DOK5: variants seen among roughly 807,000 people sequenced by gnomAD.
DOK5 encodes the protein downstream of tyrosine kinase 5.
DOK5 carries 27 observed loss-of-function variants against 43.3 expected under a neutral mutation model. The observed-to-expected ratio is 0.62, with a 90% confidence interval of 0.46 to 0.86. The LOEUF (loss-of-function observed/expected upper bound fraction) is 0.86. Among genes scored for constraint, DOK5 ranks in the 40% least tolerant of loss-of-function variants. The pLI is 0.00. For synonymous variants in DOK5, 146 were observed against 140.1 expected (o/e 1.04, Z -0.30); for missense variants, 373 against 392.9 (o/e 0.95, Z 0.43).
intron 6 of DOK5, among the ~76,000 whole-genome samples, chr20:54,612,405 A>G (rs537366712): frequency 1.3e-5 from 2 of 152,188 alleles, no homozygotes; most frequent in Admixed American, 1.3e-4. Flanking sequence ...TTATATGTCA[A>G]CCTGACTGGG....
chr20:54,602,740 T>C (rs765861999), intron 5 of DOK5, among the ~76,000 whole-genome samples: 1 of 152,150 alleles, frequency 6.6e-6, no homozygotes. Flanking sequence ...AGTGGCGTGA[T>C]CTCGGCTCAC....
chr20:54,595,132 G>T (rs1250042842), intron 5 of DOK5, among the ~76,000 whole-genome samples: 1 of 152,180 alleles, frequency 6.6e-6, no homozygotes, highest in Non-Finnish European at 1.5e-5. Flanking sequence ...ACGAGGTCAG[G>T]AGATCGAGAC....
chr20:54,629,772 G>A (rs1316922017), intron 6 of DOK5, among the ~76,000 whole-genome samples: 7 of 152,318 alleles, frequency 4.6e-5, no homozygotes, highest in Non-Finnish European at 2.9e-5. Context: ...GAGAATGACC[G>A]GGAATGGTCA....
intron 7 of DOK5, among the ~76,000 whole-genome samples, chr20:54,646,535 C>T (rs1979438222): frequency 1.3e-5 from 2 of 152,102 alleles, no homozygotes; most frequent in East Asian, 3.8e-4. Flanking sequence ...TTATAGATAT[C>T]AGCCACTGCA....
At chr20:54,566,763 T>G (rs1166180425) in intron 2 of DOK5, among the ~76,000 whole-genome samples, 1 of 152,132 alleles carries the variant, frequency 6.6e-6, no homozygotes, top group African/African-American at 2.4e-5. Flanking sequence ...ACTACAGGCA[T>G]GCACCACCAT....
chr20:54,554,698 C>T (rs1747533644), intron 1 of DOK5, among the ~76,000 whole-genome samples: 1 of 152,192 alleles, frequency 6.6e-6, no homozygotes, highest in South Asian at 2.1e-4. Context: ...GCTATCAAAG[C>T]ATGAAGAAAT....
At chr20:54,604,347 G>A (rs1986398682) in intron 5 of DOK5, among the ~76,000 whole-genome samples, 1 of 150,988 alleles carries the variant, frequency 6.6e-6, no homozygotes, top group Non-Finnish European at 1.5e-5. Context: ...TCTGTCAGGT[G>A]CTTCGGATCT....
intron 2 of DOK5, among the ~76,000 whole-genome samples, chr20:54,574,841 T>C (rs971891661): frequency 2.6e-5 from 4 of 152,290 alleles, no homozygotes; most frequent in East Asian, 1.9e-4. Flanking sequence ...GGAAACAGTA[T>C]AGTCAGGTGA....
chr20:54,627,763 G>A (rs1279208421), intron 6 of DOK5, among the ~76,000 whole-genome samples: 1 of 152,192 alleles, frequency 6.6e-6, no homozygotes, highest in Admixed American at 6.5e-5. Context: ...CTGGGGCAGG[G>A]CATTGAAATG....
intron 2 of DOK5, among the ~76,000 whole-genome samples, chr20:54,578,152 T>C (rs1985514850): frequency 6.6e-6 from 1 of 152,188 alleles, no homozygotes; most frequent in Non-Finnish European, 1.5e-5. Flanking sequence ...AAGTTCATTA[T>C]CTTTTACCAC....
intron 1 of DOK5, among the ~76,000 whole-genome samples, chr20:54,531,771 A>C (rs1482841175): frequency 1.3e-5 from 2 of 152,122 alleles, no homozygotes; most frequent in Non-Finnish European, 2.9e-5. Context: ...TAAGTTGGGG[A>C]TTCATTTATT....
chr20:54,521,440 T>A (rs1600677795), intron 1 of DOK5, among the ~76,000 whole-genome samples: 1 of 152,142 alleles, frequency 6.6e-6, no homozygotes, highest in East Asian at 1.9e-4. Context: ...TCAGGTTTCA[T>A]AATTCACTAG....
chr20:54,580,112 T>A (rs1256304722), intron 2 of DOK5, among the ~76,000 whole-genome samples: 3 of 152,138 alleles, frequency 2.0e-5, no homozygotes, highest in Non-Finnish European at 4.4e-5. Context: ...CATGAACTCA[T>A]CCTTTTTTAT....
intron 6 of DOK5, among the ~76,000 whole-genome samples, chr20:54,617,142 G>A (rs145137850): frequency 6.6e-6 from 1 of 152,226 alleles, no homozygotes; most frequent in South Asian, 2.1e-4. Flanking sequence ...GCTACTTGGG[G>A]TTGTGGGATT....
At position 54,554,983 on chromosome 20, in the gene DOK5, A is replaced by G; in HGVS notation, c.117A>G (p.Pro39=). The part of the protein sequence containing the change: ...LVFKKASSKG[P]KRLEKFSDER... ...TCAAGAAAGCTTCAAGCAAAGGTCC[A>G]AAAAGACTGGAGAAATTTTCTGATG... The change falls in exon 2 of 8, where the codon CCA becomes CCG. Residue 39 remains proline (P), a synonymous_variant. Transcript: ENST00000262593. 1 of 1,613,874 alleles carries G rather than the reference A, an allele frequency of 6.2e-7. No homozygotes were observed. Among genetic ancestry groups the G allele is most frequent in the Non-Finnish European group, 8.5e-7 (1 of 1,179,780 alleles).
intron 1 of DOK5, among the ~76,000 whole-genome samples, chr20:54,540,543 A>G (rs1984119404): frequency 6.6e-6 from 1 of 152,166 alleles, no homozygotes; most frequent in East Asian, 1.9e-4. Flanking sequence ...TTATTGAGAC[A>G]GGGTTTCTGT....
At chr20:54,642,581 G>T (rs1268991177) in intron 6 of DOK5, among the ~76,000 whole-genome samples, 1 of 147,546 alleles carries the variant, frequency 6.8e-6, no homozygotes, top group Non-Finnish European at 1.5e-5. Flanking sequence ...AAAATTAGCC[G>T]GGCGTGGTGG....
intron 1 of DOK5, among the ~76,000 whole-genome samples, chr20:54,524,220 G>A (rs1983507086): frequency 6.6e-6 from 1 of 152,160 alleles, no homozygotes; most frequent in Non-Finnish European, 1.5e-5. Flanking sequence ...ACAGAAGGGT[G>A]TTAATGCGAA....
chr20:54,481,057 C>CT (rs1167458118), intron 1 of DOK5, among the ~76,000 whole-genome samples: 5 of 116,884 alleles, frequency 4.3e-5, no homozygotes, highest in Non-Finnish European at 7.1e-5. Context: ...ATCTGTCTAT[C>CT]ATCTATCTAT....
Sources: gnomAD v4.1 joint callset for allele counts (sites outside exome capture counted in the v4.1 genomes callset) on GRCh38, gnomAD v4.1.1 for gene constraint, MANE v1.5 for transcripts, NCBI Gene and HGNC (gene_info 2026-07-23, HGNC 2026-07-21) for gene names.